AUTS2: variants seen among roughly 807,000 people sequenced by gnomAD.
AUTS2 encodes autism susceptibility gene 2 protein.
A neutral mutation model predicts 112.4 loss-of-function variants in AUTS2; 17 were observed. That is an observed-to-expected ratio of 0.15 (90% CI 0.10 to 0.23). The LOEUF (loss-of-function observed/expected upper bound fraction) is 0.23, where lower values mean the gene tolerates loss of function less well. AUTS2 is among the 10% of genes least tolerant of loss of function. The probability of loss-of-function intolerance (pLI) is 1.00; values close to 1 mark genes in which losing one functional copy is unlikely to be tolerated. For missense variants in AUTS2, 1,510 were observed against 1,701.6 expected (o/e 0.89, Z 1.98); for synonymous variants, 751 against 702.7 (o/e 1.07, Z -1.09).
intron 4 of AUTS2, among the ~76,000 whole-genome samples, chr7:70,368,102 C>A (rs1198469857): frequency 2.0e-5 from 3 of 152,134 alleles, no homozygotes; most frequent in Non-Finnish European, 2.9e-5. Flanking sequence ...CGTGGAAGAT[C>A]AAACCTCTGG....
At chr7:70,267,258 A>G (rs1787474563) in intron 4 of AUTS2, among the ~76,000 whole-genome samples, 1 of 151,686 alleles carries the variant, frequency 6.6e-6, no homozygotes, top group Non-Finnish European at 1.5e-5. Flanking sequence ...TTACCAGTCA[A>G]AGATAAACTC....
At chr7:69,891,836 CAGGCTGGAG>C (rs1794540214) in intron 1 of AUTS2, among the ~76,000 whole-genome samples, 2 of 99,578 alleles carry the variant, frequency 2.0e-5, no homozygotes, top group Admixed American at 3.2e-4. Context: ...CTCTGTCATC[CAGGCTGGAG>C]TGCAGTGACA....
intron 4 of AUTS2, among the ~76,000 whole-genome samples, chr7:70,352,052 A>G: frequency 6.6e-6 from 1 of 152,184 alleles, no homozygotes; most frequent in East Asian, 1.9e-4. Flanking sequence ...TACCATTTCT[A>G]TGAGTCTAAG....
intron 1 of AUTS2, among the ~76,000 whole-genome samples, chr7:69,848,078 C>T (rs890647929): frequency 6.6e-6 from 1 of 152,198 alleles, no homozygotes; most frequent in Non-Finnish European, 1.5e-5. Flanking sequence ...TCATTAGAGA[C>T]TGGCAGAGCC....
intron 5 of AUTS2, among the ~76,000 whole-genome samples, chr7:70,525,533 T>G (rs1436604722): frequency 1.3e-5 from 2 of 152,220 alleles, no homozygotes; most frequent in Admixed American, 6.5e-5. Flanking sequence ...CCAGCTGATG[T>G]GCTCAAGATG....
chr7:70,133,056 A>G (rs760221300), intron 3 of AUTS2, among the ~76,000 whole-genome samples: 1 of 152,146 alleles, frequency 6.6e-6, no homozygotes, highest in Non-Finnish European at 1.5e-5. Flanking sequence ...ATCTCCCTCC[A>G]TACCATTTAT....
chr7:70,601,647 G>A (rs1803476859), intron 5 of AUTS2, among the ~76,000 whole-genome samples: 2 of 152,136 alleles, frequency 1.3e-5, no homozygotes, highest in African/African-American at 4.8e-5. Context: ...GCAGACTGCT[G>A]GAGAAGACTG....
chr7:70,147,871 A>G (rs1344831107), intron 4 of AUTS2, among the ~76,000 whole-genome samples: 1 of 152,044 alleles, frequency 6.6e-6, no homozygotes. Flanking sequence ...CACTCAGCCC[A>G]CTGGTCTTTC....
intron 4 of AUTS2, among the ~76,000 whole-genome samples, chr7:70,267,866 T>TC (rs1049912085): frequency 1.6e-4 from 25 of 152,054 alleles, no homozygotes; most frequent in Non-Finnish European, 2.5e-4. Context: ...GGATTGCTTT[T>TC]CCCCCCCTAC....
chr7:69,988,904 G>T (rs914370328), intron 2 of AUTS2, among the ~76,000 whole-genome samples: 2 of 152,126 alleles, frequency 1.3e-5, no homozygotes, highest in Admixed American at 6.5e-5. Context: ...AGCACTTTTT[G>T]TTGGGGGCAG....
intron 1 of AUTS2, among the ~76,000 whole-genome samples, chr7:69,706,946 C>T (rs1431457882): frequency 6.6e-6 from 1 of 152,152 alleles, no homozygotes; most frequent in Non-Finnish European, 1.5e-5. Flanking sequence ...CTGGTATGTT[C>T]CCAGGAAACC....
At chr7:70,488,768 G>A (rs1272400464) in intron 5 of AUTS2, among the ~76,000 whole-genome samples, 3 of 152,052 alleles carry the variant, frequency 2.0e-5, no homozygotes, top group African/African-American at 7.2e-5. Context: ...AAGGGAAGAC[G>A]CGTATCCCTT....
In AUTS2 at chr7:69,653,339, A is replaced by T. The variant is rs148191279; in HGVS notation, c.309+53377A>T. On this transcript the variant is annotated intron_variant, in intron 1 of 18. Coordinates refer to ENST00000342771, the MANE Select transcript of AUTS2 (RefSeq NM_015570.4). ...TGGGCCAGATTATGGAGCCTGAAGA[A>T]CAGTTTTATGATTGATTAATGGTTT... 2.0e-3 allele frequency among the ~76,000 whole-genome samples: 300 copies of T among 152,346 alleles called. 1 individual carries two copies. Among genetic ancestry groups the T allele is most frequent in the African/African-American group, 6.8e-3 (282 of 41,590 alleles).
intron 5 of AUTS2, among the ~76,000 whole-genome samples, chr7:70,612,338 G>A (rs1000552585): frequency 6.6e-6 from 1 of 152,164 alleles, no homozygotes; most frequent in East Asian, 1.9e-4. Context: ...AGTCCCTGTA[G>A]AGATAGCAGA....
chr7:69,764,313 C>T (rs1391063905), intron 1 of AUTS2, among the ~76,000 whole-genome samples: 2 of 151,774 alleles, frequency 1.3e-5, no homozygotes, highest in Admixed American at 6.6e-5. Context: ...AACACTGGAG[C>T]CCCTGCCGTG....
At chr7:69,658,233 C>T (rs1584022079) in intron 1 of AUTS2, among the ~76,000 whole-genome samples, 1 of 152,326 alleles carries the variant, frequency 6.6e-6, no homozygotes, top group East Asian at 1.9e-4. Context: ...AAAATATTTG[C>T]TATCTGGCAC....
intron 2 of AUTS2, among the ~76,000 whole-genome samples, chr7:70,003,312 A>AAT (rs1445190189): frequency 1.4e-4 from 18 of 131,822 alleles, no homozygotes; most frequent in African/African-American, 5.1e-4. Flanking sequence ...ATTATATATG[A>AAT]ATATATATAA....
At chr7:70,509,232 A>T (rs914543911) in intron 5 of AUTS2, among the ~76,000 whole-genome samples, 15 of 152,328 alleles carry the variant, frequency 9.8e-5, no homozygotes, top group African/African-American at 3.6e-4. Flanking sequence ...GGGAAGAAAG[A>T]ACCAAGGCAC....
rs145914306 is a variant in AUTS2, at chr7:70,220,031, G to A, written c.660+85460G>A. 1.8e-3 allele frequency among the ~76,000 whole-genome samples: 280 copies of A among 152,240 alleles called. 1 individual carries two copies. Among genetic ancestry groups the A allele is most frequent in the African/African-American group, 6.5e-3 (271 of 41,528 alleles). ...TAGTTACTTATTTGTGCAAGGCTTG[G>A]CAACCTTTTCCTTTAAAGGGACAGA... On this transcript the variant is annotated intron_variant, in intron 4 of 18. Transcript: ENST00000342771.
Sources: gnomAD v4.1 joint callset for allele counts (sites outside exome capture counted in the v4.1 genomes callset) on GRCh38, gnomAD v4.1.1 for gene constraint, MANE v1.5 for transcripts, NCBI Gene and HGNC (gene_info 2026-07-23, HGNC 2026-07-21) for gene names.